The following LAMA3 variants were observed in gnomAD, a reference collection of about 807,000 sequenced individuals.
The protein encoded by LAMA3 is laminin subunit alpha 3, also known as laminin subunit alpha-3.
A neutral mutation model predicts 402.0 loss-of-function variants in LAMA3; 281 were observed. The observed-to-expected ratio is 0.70, with a 90% CI of 0.63 to 0.77. The LOEUF (loss-of-function observed/expected upper bound fraction) is 0.77. Among genes scored for constraint, LAMA3 ranks in the 30% least tolerant of loss-of-function variants. LAMA3 has a pLI of 0.00. For synonymous variants in LAMA3, 1,431 were observed against 1,558.4 expected, an observed-to-expected ratio of 0.92 and a Z score of 1.93; for missense variants, 3,840 against 4,215.5, an observed-to-expected ratio of 0.91 and a Z score of 2.47.
chr18:23,700,737 G>A (rs200536777), intron 1 of LAMA3, among the ~76,000 whole-genome samples: 6 of 151,782 alleles, frequency 4.0e-5, no homozygotes, highest in South Asian at 4.2e-4. Flanking sequence ...TCACTCTGTC[G>A]CCTGGGCTCG....
At chr18:23,842,863 T>C in intron 29 of LAMA3, 113 bp downstream of exon 29, 1 of 1,359,086 alleles carries the variant, frequency 7.4e-7, no homozygotes, top group Non-Finnish European at 1.0e-6. Context: ...GTCATATTTG[T>C]AGAAAAATGT....
chr18:23,907,491 A>G, intron 52 of LAMA3, 59 bp from the exon 53 acceptor site: 1 of 1,228,054 alleles, frequency 8.1e-7, no homozygotes, highest in South Asian at 1.2e-5. Context: ...GGCCACAAAT[A>G]CCAATGGAGG....
chr18:23,787,254 C>T (rs2062563320), intron 12 of LAMA3, among the ~76,000 whole-genome samples: 1 of 152,052 alleles, frequency 6.6e-6, no homozygotes, highest in Non-Finnish European at 1.5e-5. Flanking sequence ...TGCCCTCCAG[C>T]CTGGGTGACA....
chr18:23,897,733 A>G (rs534866490), intron 44 of LAMA3, among the ~76,000 whole-genome samples: 1 of 152,368 alleles, frequency 6.6e-6, no homozygotes, highest in East Asian at 1.9e-4. Flanking sequence ...AAGTAAAGTT[A>G]AAATAGAACT....
intron 25 of LAMA3, among the ~76,000 whole-genome samples, chr18:23,838,236 T>C (rs1012890196): frequency 1.3e-5 from 2 of 152,252 alleles, no homozygotes; most frequent in African/African-American, 4.8e-5. Flanking sequence ...AAATGAAGTA[T>C]ATTGATAAAT....
At chr18:23,783,999 C>G in intron 11 of LAMA3, 24 bp from the exon 12 acceptor site, 1 of 1,613,992 alleles carries the variant, frequency 6.2e-7, no homozygotes, top group Non-Finnish European at 8.5e-7. Flanking sequence ...GAGACCCCTT[C>G]TGAAAGTTTC....
At chr18:23,840,099 A>G (rs563914903) in intron 27 of LAMA3, among the ~76,000 whole-genome samples, 170 bp downstream of exon 27, 3 of 152,190 alleles carry the variant, frequency 2.0e-5, no homozygotes, top group Admixed American at 6.5e-5. Flanking sequence ...CAAACCCTCC[A>G]GGTGATTCTG....
At chr18:23,936,297 G>A (rs1276342618) in intron 67 of LAMA3, among the ~76,000 whole-genome samples, 1 of 151,094 alleles carries the variant, frequency 6.6e-6, no homozygotes, top group Non-Finnish European at 1.5e-5. Flanking sequence ...GTGCAGGTTT[G>A]TTACATATGT....
chr18:23,868,551 G>A (rs930552878), intron 37 of LAMA3, among the ~76,000 whole-genome samples: 1 of 152,130 alleles, frequency 6.6e-6, no homozygotes, highest in African/African-American at 2.4e-5. Context: ...GGTCGAAGCT[G>A]CAGTGAGCCA....
intron 36 of LAMA3, 49 bp downstream of exon 36, chr18:23,864,932 G>C (rs770879181): frequency 9.5e-6 from 11 of 1,155,400 alleles, no homozygotes; most frequent in Non-Finnish European, 1.4e-5. Flanking sequence ...AGTTGCAGTT[G>C]GTGCTGATCT....
chr18:23,934,074 CA>C (rs1431532236), intron 67 of LAMA3, 139 bp downstream of exon 67: 5 of 853,044 alleles, frequency 5.9e-6, no homozygotes, highest in Non-Finnish European at 9.8e-6. Context: ...ACAGTTGAAT[CA>C]CACCAAAATG....
At chr18:23,740,606 G>T (rs867515365) in intron 2 of LAMA3, among the ~76,000 whole-genome samples, 2 of 152,028 alleles carry the variant, frequency 1.3e-5, no homozygotes, top group African/African-American at 4.8e-5. Context: ...CTTGAATCTC[G>T]ATTTTTTTAA....
chr18:23,746,536 C>A (rs762134465), intron 2 of LAMA3, among the ~76,000 whole-genome samples: 1 of 152,174 alleles, frequency 6.6e-6, no homozygotes, highest in Non-Finnish European at 1.5e-5. Flanking sequence ...AAGCCCCAAA[C>A]TCAGCGAGCT....
At chr18:23,911,493 A>T (rs775638516) in intron 55 of LAMA3, among the ~76,000 whole-genome samples, 9 of 152,176 alleles carry the variant, frequency 5.9e-5, no homozygotes, top group Non-Finnish European at 1.0e-4. Flanking sequence ...ACATGCAAGC[A>T]TGTGATCGGT....
rs1568109215 is a variant in LAMA3 at position 23,717,719 on chromosome 18, A to ATTTTTTTTTTTTTTTTTT, written c.447+3647_447+3648insTTTTTTTTTTTTTTTTTT. On this transcript the variant is annotated intron_variant, in intron 2 of 74. Transcript: ENST00000313654. Reference sequence around the variant, plus strand: ...AGGTGCCCACCACCATGCCTGGCTAAATTTTTTTTTTTTTTTTTTTTTTTT... The same window carrying ATTTTTTTTTTTTTTTTTT: ...AGGTGCCCACCACCATGCCTGGCTAATTTTTTTTTTTTTTTTTTATTTTTTTTTTTTTTTTTTTTTTTT... Among the ~76,000 whole-genome samples the ATTTTTTTTTTTTTTTTTT allele has an allele frequency of 1.7e-5, 2 of 116,806 alleles. 1 individual carries two copies. Among genetic ancestry groups the ATTTTTTTTTTTTTTTTTT allele is most frequent in the Admixed American group, 1.8e-4 (2 of 11,088 alleles). 76.6% of individuals were successfully genotyped at this position (116,806 alleles called of 152,430 possible). A position where few individuals can be genotyped will look rare whatever the true frequency, so the allele number is the denominator to read the frequency against.
intron 12 of LAMA3, among the ~76,000 whole-genome samples, chr18:23,806,172 T>C (rs2062958758): frequency 6.6e-6 from 1 of 152,200 alleles, no homozygotes; most frequent in African/African-American, 2.4e-5. Flanking sequence ...CTTTTGGTGG[T>C]TTATTGCCAC....
intron 1 of LAMA3, among the ~76,000 whole-genome samples, chr18:23,711,616 C>T (rs868117749): frequency 6.6e-6 from 1 of 152,176 alleles, no homozygotes. Flanking sequence ...AACTTGTTAT[C>T]CCTGGACTCT....
At chr18:23,912,388 AC>A (rs1363427400) in intron 55 of LAMA3, among the ~76,000 whole-genome samples, 2 of 151,896 alleles carry the variant, frequency 1.3e-5, no homozygotes, top group Non-Finnish European at 2.9e-5. Context: ...CTGCACAAAA[AC>A]CTTCTAGGGT....
In LAMA3 at chr18:23,749,444, T is replaced by A; in HGVS notation, c.582T>A (p.Cys194Ter). Residue 194 changes from cysteine to a stop codon, truncating the protein, a stop_gained, in exon 4 of 75, where the codon TGT (cysteine) becomes TGA (stop). Transcript: ENST00000313654. LOFTEE classifies it high-confidence loss of function. Reference sequence around the variant, plus strand: ...TCCTTCTAGATTCTAAAGTAGACTGTTTAAAAGAATTTGGGCGGGAGGCAA... The same window carrying A: ...TCCTTCTAGATTCTAAAGTAGACTGATTAAAAGAATTTGGGCGGGAGGCAA... ...WQYFAHSKVD[C>*]LKEFGREANM... is the part of the protein sequence containing the mutation. 6.3e-7 allele frequency: 1 copy of A among 1,594,550 alleles called. No individual in the cohort carries two copies. The highest frequency in any genetic ancestry group is 8.6e-7 in the Non-Finnish European group (1 of 1,162,756).
Sources: allele counts gnomAD v4.1 joint callset (sites outside exome capture counted in the v4.1 genomes callset), GRCh38; gene constraint gnomAD v4.1.1; transcripts MANE v1.5; gene names NCBI Gene and HGNC (gene_info 2026-07-23, HGNC 2026-07-21).